The following SUMF1 variants were observed in gnomAD, a reference collection of about 807,000 sequenced individuals.
The protein encoded by SUMF1 is formylglycine-generating enzyme.
A neutral mutation model predicts 47.6 loss-of-function variants in SUMF1; 48 were observed. That is an observed-to-expected ratio of 1.01 (90% CI 0.80 to 1.28). The LOEUF is 1.28. Ranked by LOEUF, SUMF1 falls within the 50% of genes most tolerant of loss-of-function variation. The pLI is 0.00. For synonymous variants in SUMF1, 230 were observed against 192.1 expected, an observed-to-expected ratio of 1.20 and a Z score of -1.63; for missense variants, 571 against 485.4, an observed-to-expected ratio of 1.18 and a Z score of -1.66.
intron 8 of SUMF1, among the ~76,000 whole-genome samples, chr3:4,329,456 T>C (rs1382465307): frequency 6.6e-6 from 1 of 152,274 alleles, no homozygotes; most frequent in Admixed American, 6.5e-5. Context: ...ACGTGAAAGC[T>C]GCCAATGCTT....
chr3:4,389,625 T>C (rs1323440648), intron 7 of SUMF1, among the ~76,000 whole-genome samples: 1 of 152,196 alleles, frequency 6.6e-6, no homozygotes, highest in Non-Finnish European at 1.5e-5. Flanking sequence ...ATCACGTAGA[T>C]CCTTGTGGCT....
intron 8 of SUMF1, among the ~76,000 whole-genome samples, chr3:4,243,665 G>T (rs899612198): frequency 6.6e-6 from 1 of 152,132 alleles, no homozygotes; most frequent in Non-Finnish European, 1.5e-5. Flanking sequence ...CATTTGCTGA[G>T]GAGTGTTTTA....
chr3:4,221,218 CACAT>C (rs1234097649), intron 8 of SUMF1, among the ~76,000 whole-genome samples: 1 of 152,110 alleles, frequency 6.6e-6, no homozygotes, highest in Non-Finnish European at 1.5e-5. Context: ...ATGCCATAGA[CACAT>C]ATGCCAATGC....
At chr3:4,423,038 GT>G (rs943472553) in intron 3 of SUMF1, among the ~76,000 whole-genome samples, 9 of 152,202 alleles carry the variant, frequency 5.9e-5, no homozygotes, top group African/African-American at 2.2e-4. Context: ...ATGTTGTTTG[GT>G]TTTCCATTCC....
intron 8 of SUMF1, among the ~76,000 whole-genome samples, chr3:4,218,081 G>A (rs1037185480): frequency 6.6e-6 from 1 of 151,976 alleles, no homozygotes; most frequent in Non-Finnish European, 1.5e-5. Context: ...TTTCTCAGAG[G>A]CTTTAACTGT....
intron 3 of SUMF1, 106 bp downstream of exon 3, chr3:4,449,160 A>T: frequency 8.5e-7 from 1 of 1,181,942 alleles, no homozygotes; most frequent in Non-Finnish European, 1.3e-6. Context: ...GAGAATGGTT[A>T]GGTGTTACAG....
chr3:4,078,221 C>A (rs754384969), intron 8 of SUMF1, among the ~76,000 whole-genome samples: 12 of 152,024 alleles, frequency 7.9e-5, no homozygotes, highest in Non-Finnish European at 1.3e-4. Flanking sequence ...CTATGGGCAT[C>A]CCTCAAAATC....
chr3:4,289,702 G>C (rs770903104), intron 8 of SUMF1, among the ~76,000 whole-genome samples: 1 of 151,956 alleles, frequency 6.6e-6, no homozygotes, highest in African/African-American at 2.4e-5. Context: ...TTTCTTTGTT[G>C]CTATCATCCA....
intron 8 of SUMF1, among the ~76,000 whole-genome samples, chr3:4,144,959 G>A (rs1694158882): frequency 6.6e-6 from 1 of 151,972 alleles, no homozygotes; most frequent in Non-Finnish European, 1.5e-5. Flanking sequence ...CAGCACTTTG[G>A]GAGGCCAAGG....
At chr3:4,038,581 G>A (rs769446867) in intron 9 of SUMF1, among the ~76,000 whole-genome samples, 12 of 152,276 alleles carry the variant, frequency 7.9e-5, no homozygotes, top group Non-Finnish European at 1.5e-4. Flanking sequence ...GTTGGTGTGA[G>A]CTTGGGGCTC....
chr3:4,439,687 A>G (rs1382812826), intron 3 of SUMF1, among the ~76,000 whole-genome samples: 3 of 151,328 alleles, frequency 2.0e-5, no homozygotes, highest in Non-Finnish European at 2.9e-5. Context: ...CTCATAAGAG[A>G]AAAAAAAATC....
In SUMF1 at chr3:4,104,212, T is replaced by C. The variant is rs113810964; in HGVS notation, c.1015-35467A>G. Among the ~76,000 whole-genome samples, 619 of 152,172 alleles carry C rather than the reference T, an allele frequency of 4.1e-3. 9 individuals carry two copies. Among genetic ancestry groups the C allele is most frequent in the African/African-American group, 0.014 (585 of 41,478 alleles). On this transcript the variant is annotated intron_variant and NMD_transcript_variant, in intron 8 of 12. Transcript: ENST00000448413. ...CTGGAGGTAAATAAGTCTTACAAGA[T>C]CTGATGGTTTTATAAGGAGTTTCCC...
At chr3:4,329,625 A>C (rs895624429) in intron 8 of SUMF1, among the ~76,000 whole-genome samples, 5 of 152,234 alleles carry the variant, frequency 3.3e-5, no homozygotes, top group Non-Finnish European at 5.9e-5. Context: ...CTATGCCTCC[A>C]GGTTTCTGAT....
chr3:4,060,104 A>G (rs951544887), intron 9 of SUMF1, among the ~76,000 whole-genome samples: 2 of 152,224 alleles, frequency 1.3e-5, no homozygotes, highest in African/African-American at 4.8e-5. Context: ...GCTGATAAAG[A>G]AGTTATGATA....
At chr3:4,055,354 A>G (rs1011484702) in intron 9 of SUMF1, among the ~76,000 whole-genome samples, 4 of 151,990 alleles carry the variant, frequency 2.6e-5, no homozygotes, top group Non-Finnish European at 5.9e-5. Context: ...TAATATATTG[A>G]CTCTTTATAA....
intron 8 of SUMF1, among the ~76,000 whole-genome samples, chr3:4,208,951 G>A (rs537516326): frequency 6.6e-6 from 1 of 152,042 alleles, no homozygotes; most frequent in South Asian, 2.1e-4. Context: ...AAGGATATTG[G>A]TCTATAGTTT....
chr3:4,333,000 A>T (rs972825409), intron 8 of SUMF1, among the ~76,000 whole-genome samples: 1 of 151,986 alleles, frequency 6.6e-6, no homozygotes. Context: ...GGATGGCCAA[A>T]CTCCAGGGGA....
At chr3:4,199,641 T>C (rs1203322927) in intron 8 of SUMF1, among the ~76,000 whole-genome samples, 1 of 152,170 alleles carries the variant, frequency 6.6e-6, no homozygotes, top group Non-Finnish European at 1.5e-5. Context: ...CACATAGCAT[T>C]CTGTCTTTCT....
At chr3:4,213,686 C>A (rs190184602) in intron 8 of SUMF1, among the ~76,000 whole-genome samples, 1 of 152,088 alleles carries the variant, frequency 6.6e-6, no homozygotes, top group Non-Finnish European at 1.5e-5. Flanking sequence ...CAAAGACACA[C>A]ATAGGCTCAA....
Sources: gnomAD v4.1 joint callset for allele counts (sites outside exome capture counted in the v4.1 genomes callset) on GRCh38, gnomAD v4.1.1 for gene constraint, MANE v1.5 for transcripts, NCBI Gene and HGNC (gene_info 2026-07-23, HGNC 2026-07-21) for gene names.